The following COL6A6 variants were observed in gnomAD, a reference collection of about 807,000 sequenced individuals.
COL6A6 encodes the protein collagen alpha-6(VI) chain.
In COL6A6, 183 loss-of-function variants were observed where a neutral mutation model predicts 208.6. The observed-to-expected ratio is 0.88, with a 90% CI of 0.78 to 0.99. The LOEUF is 0.99. COL6A6 is among the 50% of genes least tolerant of loss of function. The pLI, the probability that COL6A6 is intolerant of heterozygous loss-of-function variation, is 0.00. For missense variants in COL6A6, 2,816 were observed against 2,815.2 expected, an observed-to-expected ratio of 1.00 and a Z score of -0.01; for synonymous variants, 973 against 1,011.8, an observed-to-expected ratio of 0.96 and a Z score of 0.73.
chr3:130,574,097 GAGCGGCCCAGTTT>G lies in COL6A6; in HGVS notation c.3124_3136del (p.Ala1042IlefsTer13). 6.2e-7 allele frequency: 1 copy of G among 1,613,962 alleles called. No individual in the cohort carries two copies. The highest frequency in any genetic ancestry group is 8.5e-7 in the Non-Finnish European group (1 of 1,179,892). On this transcript the variant is annotated frameshift_variant, in exon 8 of 37. Transcript: ENST00000358511. LOFTEE classifies it high-confidence loss of function. Reference sequence around the variant, plus strand: ...GTCAGCCTCAACAGAGTGCGAATAGGAGCGGCCCAGTTTAGCGATACCTATCACCCGGAGTTTC... The same window carrying G: ...GTCAGCCTCAACAGAGTGCGAATAGGAGCGATACCTATCACCCGGAGTTTC...
chr3:130,567,581 T>A (rs55945808), intron 5 of COL6A6, among the ~76,000 whole-genome samples: 123,589 of 152,112 alleles, frequency 0.81, 50,748 homozygotes, highest in Non-Finnish European at 0.87. Context: ...TGTAAGGAGT[T>A]CTTCAGGTTT....
intron 1 of COL6A6, among the ~76,000 whole-genome samples, chr3:130,536,741 T>C (rs2062234143): frequency 6.6e-6 from 1 of 152,178 alleles, no homozygotes. Context: ...AGAGGATTAA[T>C]AGGGCCTAGA....
intron 33 of COL6A6, 67 bp downstream of exon 33, chr3:130,649,629 C>T: frequency 7.0e-7 from 1 of 1,425,066 alleles, no homozygotes. Context: ...AGCCCCTATA[C>T]TACCTTGCCT....
At chr3:130,624,084 A>T (rs1254168686) in intron 24 of COL6A6, among the ~76,000 whole-genome samples, 1 of 152,186 alleles carries the variant, frequency 6.6e-6, no homozygotes, top group Non-Finnish European at 1.5e-5. Flanking sequence ...AAATGGATAA[A>T]AAGCTGTAAA....
intron 1 of COL6A6, among the ~76,000 whole-genome samples, chr3:130,541,547 A>G (rs971881522): frequency 6.6e-6 from 1 of 152,190 alleles, no homozygotes; most frequent in African/African-American, 2.4e-5. Flanking sequence ...CAAAGTGGCT[A>G]TGCCATTTTG....
At chr3:130,552,824 G>A (rs1577681100) in intron 1 of COL6A6, among the ~76,000 whole-genome samples, 1 of 4,124 alleles carries the variant, frequency 2.4e-4, no homozygotes, top group African/African-American at 2.1e-3. Flanking sequence ...TTTAAGGACC[G>A]TCTCTCTTAA....
chr3:130,613,395 A>G (rs570464171), intron 23 of COL6A6, among the ~76,000 whole-genome samples: 24 of 152,318 alleles, frequency 1.6e-4, no homozygotes, highest in Admixed American at 9.8e-4. Context: ...TGCCAGTACC[A>G]TGCTGTTTTG....
intron 36 of COL6A6, among the ~76,000 whole-genome samples, chr3:130,669,390 C>G (rs1344145553): frequency 6.6e-6 from 1 of 150,990 alleles, no homozygotes; most frequent in Non-Finnish European, 1.5e-5. Context: ...GAGACTCTGT[C>G]TCAAAAAAAT....
At chr3:130,579,261 C>G (rs1237317577) in intron 8 of COL6A6, among the ~76,000 whole-genome samples, 1 of 152,160 alleles carries the variant, frequency 6.6e-6, no homozygotes, top group African/African-American at 2.4e-5. Context: ...AGCTTTTGGG[C>G]TTGGCAGGAA....
chr3:130,614,505 A>G (rs1398318211), intron 23 of COL6A6, among the ~76,000 whole-genome samples: 1 of 152,202 alleles, frequency 6.6e-6, no homozygotes, highest in East Asian at 1.9e-4. Context: ...TTTTGGTATC[A>G]GGATGATGCT....
Position 130,563,311 on chromosome 3 carries a change from G to T in COL6A6, c.308G>T (p.Gly103Val), listed in dbSNP as rs750064210. ...HLRKNFGFIG[G>V]SLQIGKALQE... Reference sequence around the variant, plus strand: ...AGGAAGAACTTTGGATTCATTGGCGGGTCCCTGCAGATAGGAAAGGCTCTT... The same window carrying T: ...AGGAAGAACTTTGGATTCATTGGCGTGTCCCTGCAGATAGGAAAGGCTCTT... Residue 103 changes from glycine (G) to valine (V), a missense_variant, in exon 3 of 37, where the codon GGG becomes GTG. Transcript: ENST00000358511. The T allele has an allele frequency of 1.9e-5, 30 of 1,613,856 alleles. No individual in the cohort carries two copies. In the South Asian group the frequency reaches 2.7e-4, roughly 15 times the overall value.
intron 26 of COL6A6, among the ~76,000 whole-genome samples, chr3:130,634,213 ATAAAT>A (rs1313803869): frequency 3.8e-5 from 2 of 52,444 alleles, no homozygotes; most frequent in East Asian, 1.3e-3. Context: ...AAAAAAAAAA[ATAAAT>A]AAATAAATAA....
chr3:130,665,642 C>T (rs182842778), intron 36 of COL6A6, among the ~76,000 whole-genome samples: 32 of 152,010 alleles, frequency 2.1e-4, no homozygotes, highest in Admixed American at 2.6e-4. Flanking sequence ...TTTTAAAATC[C>T]GCAAGTCTAT....
At chr3:130,623,058 A>C (rs1259480323) in intron 24 of COL6A6, among the ~76,000 whole-genome samples, 1 of 152,182 alleles carries the variant, frequency 6.6e-6, no homozygotes, top group African/African-American at 2.4e-5. Flanking sequence ...GCCTGTGGTG[A>C]ATCTATTCAG....
intron 1 of COL6A6, among the ~76,000 whole-genome samples, chr3:130,521,565 C>T (rs1244801730): frequency 6.6e-6 from 1 of 152,226 alleles, no homozygotes; most frequent in Non-Finnish European, 1.5e-5. Flanking sequence ...AATATCCAGG[C>T]TTTTCTCCTC....
At chr3:130,590,721 C>T (rs1213948076) in intron 12 of COL6A6, among the ~76,000 whole-genome samples, 1 of 151,968 alleles carries the variant, frequency 6.6e-6, no homozygotes, top group African/African-American at 2.4e-5. Context: ...GCACCCGCCA[C>T]CACACCCGGC....
intron 18 of COL6A6, among the ~76,000 whole-genome samples, chr3:130,596,066 G>A (rs2108105987): frequency 6.6e-6 from 1 of 152,244 alleles, no homozygotes; most frequent in Middle Eastern, 3.4e-3. Context: ...ACAATGGGTT[G>A]ATCAGAGAAG....
At chr3:130,598,046 A>G (rs189154717) in intron 18 of COL6A6, among the ~76,000 whole-genome samples, 220 of 152,336 alleles carry the variant, frequency 1.4e-3, no homozygotes, top group Non-Finnish European at 2.3e-3. Context: ...GGCAGTAACA[A>G]GAGGGATTTC....
In COL6A6 at chr3:130,602,439, A is replaced by G. The variant is rs949277050; in HGVS notation, c.4653+2629A>G. 2.6e-5 allele frequency among the ~76,000 whole-genome samples: 4 copies of G among 152,334 alleles called. No homozygotes were observed. The South Asian group carries it at 8.3e-4, about 32-fold the overall frequency. Reference sequence around the variant, plus strand: ...GACGTAAAGCTGCAAGAGAAAGAAAACCATGGGCAAAGGGCAGATAAAGCC... The same window carrying G: ...GACGTAAAGCTGCAAGAGAAAGAAAGCCATGGGCAAAGGGCAGATAAAGCC... On this transcript the variant is annotated intron_variant, in intron 20 of 36. Coordinates refer to ENST00000358511, the MANE Select transcript of COL6A6 (RefSeq NM_001102608.3).
Sources: allele counts gnomAD v4.1 joint callset (sites outside exome capture counted in the v4.1 genomes callset), GRCh38; gene constraint gnomAD v4.1.1; transcripts MANE v1.5; gene names NCBI Gene and HGNC (gene_info 2026-07-23, HGNC 2026-07-21).